Variants in ADCY1 observed in about 807,000 individuals in gnomAD.
ADCY1 encodes adenylate cyclase type 1.
Under a neutral mutation model 105.4 loss-of-function variants are expected in ADCY1, and 28 were observed. The ratio of observed to expected loss-of-function variants is 0.27; its 90% CI spans 0.20 to 0.36. ADCY1 has a LOEUF of 0.36. Among genes scored for constraint, ADCY1 ranks in the 10% least tolerant of loss-of-function variants. ADCY1 has a pLI of 1.00. For missense variants in ADCY1, 977 were observed against 1,434.2 expected (o/e 0.68, Z 5.15); for synonymous variants, 655 against 623.8 (o/e 1.05, Z -0.75).
chr7:45,603,979 C>T (rs1042431404), intron 2 of ADCY1, among the ~76,000 whole-genome samples: 5 of 152,086 alleles, frequency 3.3e-5, no homozygotes, highest in Admixed American at 3.3e-4. Context: ...TGGTAGTTTC[C>T]AGTTTTGGCC....
rs773809359 is a variant in ADCY1 at position 45,704,607 on chromosome 7, G to A, written c.2808G>A (p.Ser936=). 64 of 1,613,842 alleles carry A rather than the reference G, an allele frequency of 4.0e-5. No homozygotes were observed. Among genetic ancestry groups the A allele is most frequent in the Middle Eastern group, 1.7e-4 (1 of 5,982 alleles). ...CCGCTGTGGGGCTAGCGCCCACCTCGGGGACCAAGGTGAGTGCAGCCTGGC... is the reference window on the plus strand; with the variant it reads ...CCGCTGTGGGGCTAGCGCCCACCTCAGGGACCAAGGTGAGTGCAGCCTGGC... ...YMAAVGLAPT[S]GTKAKKSISS... Residue 936 remains serine, a synonymous_variant, in exon 17 of 20, where the codon TCG becomes TCA. Transcript: ENST00000297323.
At chr7:45,599,524 C>T (rs1344780223) in intron 2 of ADCY1, among the ~76,000 whole-genome samples, 6 of 151,500 alleles carry the variant, frequency 4.0e-5, no homozygotes, top group African/African-American at 1.2e-4. Flanking sequence ...TGCAATATTG[C>T]TGAGGAAGAT....
At chr7:45,643,531 C>G (rs917255729) in intron 4 of ADCY1, among the ~76,000 whole-genome samples, 8 of 152,080 alleles carry the variant, frequency 5.3e-5, no homozygotes, top group Admixed American at 2.6e-4. Context: ...ACCAGACATA[C>G]AGTCAAATAT....
chr7:45,664,619 C>T (rs895710507), intron 8 of ADCY1: 52 of 860,426 alleles, frequency 6.0e-5, no homozygotes, highest in Non-Finnish European at 8.3e-5. Flanking sequence ...TTGTTCCTTC[C>T]AGTTTCTTAA....
intron 8 of ADCY1, among the ~76,000 whole-genome samples, chr7:45,672,207 C>T (rs1248883934): frequency 6.6e-6 from 1 of 152,134 alleles, no homozygotes. Flanking sequence ...TATCCTTCCT[C>T]CATTGAATTG....
rs185816720 is a variant in ADCY1, at chr7:45,637,794, C to T, written c.1021-10876C>T. On this transcript the variant is annotated intron_variant, in intron 4 of 19. Coordinates refer to ENST00000297323, the MANE Select transcript of ADCY1 (RefSeq NM_021116.4). The stretch of plus-strand genomic sequence containing the variant: ...CTGGTATGCTGGTGATGAACTCTTT[C>T]AGTTTTCGTACTTCAGAAAGACTCT... Among the ~76,000 whole-genome samples, 330 of 152,308 alleles carry T rather than the reference C, an allele frequency of 2.2e-3. 3 individuals are homozygous for T. The highest frequency in any genetic ancestry group is 4.3e-4 in the Non-Finnish European group (29 of 68,020).
At chr7:45,595,465 G>A (rs971748121) in intron 2 of ADCY1, among the ~76,000 whole-genome samples, 1 of 151,976 alleles carries the variant, frequency 6.6e-6, no homozygotes. Context: ...TGTTTCCCCT[G>A]CCCCTTTCCG....
At chr7:45,644,636 A>G (rs188542611) in intron 4 of ADCY1, among the ~76,000 whole-genome samples, 14 of 152,254 alleles carry the variant, frequency 9.2e-5, no homozygotes, top group African/African-American at 2.6e-4. Flanking sequence ...AGGGCTGAAC[A>G]TGCCTCTGAG....
intron 3 of ADCY1, among the ~76,000 whole-genome samples, chr7:45,616,548 G>C (rs990649128): frequency 1.3e-5 from 2 of 152,134 alleles, no homozygotes; most frequent in African/African-American, 4.8e-5. Context: ...AACATGTTAA[G>C]AGAATACGGA....
At position 45,575,325 on chromosome 7, in the gene ADCY1, C is replaced by T. The variant is rs1792302467; in HGVS notation, c.639+143C>T. On this transcript the variant is annotated intron_variant, in intron 1 of 19. Coordinates refer to ENST00000297323, the MANE Select transcript of ADCY1 (RefSeq NM_021116.4). The surrounding 1 kb of genome is among the most constrained non-coding windows in gnomAD (Gnocchi z 4.7). ...GAGTGGGGGTGTGTTCAAGGTCACT[C>T]CTACGAGTTGGGGACGCAGTCGGGG... The T allele has an allele frequency of 1.8e-6, 2 of 1,106,630 alleles. No homozygotes were observed. The highest frequency in any genetic ancestry group is 2.9e-5 in the Admixed American group (1 of 34,126). 68.6% of individuals were successfully genotyped at this position (1,106,630 alleles called of 1,614,324 possible).
chr7:45,710,684 G>T lies in ADCY1; in HGVS notation c.3057+32G>T. 1 of 1,592,860 alleles carries T rather than the reference G, an allele frequency of 6.3e-7. No individual in the cohort carries two copies. Among genetic ancestry groups the T allele is most frequent in the Non-Finnish European group, 8.6e-7 (1 of 1,169,578 alleles). ...TCACCAAGAAACCCCTAAGGCATGGGTGCCCATTCTTCAGGTGAGGAAACT... is the reference window on the plus strand; with the variant it reads ...TCACCAAGAAACCCCTAAGGCATGGTTGCCCATTCTTCAGGTGAGGAAACT... On this transcript the variant is annotated intron_variant, in intron 19 of 19. Coordinates refer to ENST00000297323, the MANE Select transcript of ADCY1 (RefSeq NM_021116.4). The surrounding 1 kb of genome is among the most constrained non-coding windows in gnomAD (Gnocchi z 4.7).
In ADCY1 at chr7:45,714,638, T is replaced by C. The variant is rs1392001762; in HGVS notation, c.*643T>C. The stretch of plus-strand genomic sequence containing the variant: ...AAGCTGCCTCTCACTGCATGGATAG[T>C]GGTGGCTGCTGGCTTTCAAGCGTGG... On this transcript the variant is annotated 3_prime_UTR_variant, in exon 20 of 20. Transcript: ENST00000297323. The C allele has an allele frequency of 6.5e-6, 1 of 152,742 alleles. No homozygotes were observed. Among genetic ancestry groups the C allele is most frequent in the Non-Finnish European group, 1.5e-5 (1 of 68,122 alleles). The allele number at this position is 152,742 out of a possible 1,614,324, so 9.5% of individuals were successfully genotyped here.
rs912724833 is a variant in ADCY1, at chr7:45,658,839, C to T, written c.1307+954C>T. Among the ~76,000 whole-genome samples the T allele has an allele frequency of 5.9e-5, 9 of 152,264 alleles. No individual in the cohort carries two copies. In the East Asian group the frequency reaches 7.7e-4, roughly 13 times the overall value. On this transcript the variant is annotated intron_variant, in intron 6 of 19. Transcript: ENST00000297323. ...TCCCCAGGTGCTTCCAGGGCCCCTC[C>T]GGGGGGGCAGGAAGCAGCAAGGGTT...
rs1264397740 is a variant in ADCY1 at position 45,720,967 on chromosome 7, G to A, written c.*6972G>A. The A allele has an allele frequency of 2.6e-5, 4 of 152,366 alleles. No homozygotes were observed. The highest frequency in any genetic ancestry group is 2.0e-4 in the Admixed American group (3 of 15,306). The allele number at this position is 152,366 out of a possible 1,614,324, so 9.4% of individuals were successfully genotyped here. ...TGAGTAAAGTCACACAGCCCTGAGA[G>A]GCAGGACCAGGGTTCCATTCCTGCT... On this transcript the variant is annotated 3_prime_UTR_variant, in exon 20 of 20. Transcript: ENST00000297323.
intron 1 of ADCY1, among the ~76,000 whole-genome samples, chr7:45,589,426 T>G (rs1273407447): frequency 6.6e-6 from 1 of 152,144 alleles, no homozygotes; most frequent in Non-Finnish European, 1.5e-5. Flanking sequence ...CATCTCTGAG[T>G]AGCTCGTGGT....
At position 45,686,200 on chromosome 7, in the gene ADCY1, G is replaced by A; in HGVS notation, c.2312G>A (p.Gly771Glu). 6.2e-7 allele frequency: 1 copy of A among 1,613,854 alleles called. No homozygotes were observed. Among genetic ancestry groups the A allele is most frequent in the South Asian group, 1.1e-5 (1 of 91,034 alleles). ...TACATCCTCGTTCTGGAGCTCAGCG[G>A]ATACACCAGGACTGGGTAAGTGTGT... The part of the protein sequence containing the change: ...TSYILVLELS[G>E]YTRTGGGAVS... Residue 771 changes from glycine to glutamate, a missense_variant, in exon 13 of 20, where the codon GGA (glycine) becomes GAA (glutamate). By Grantham distance (98) the Gly-to-Glu change is moderately conservative. Around this residue, in one of 7 missense-constraint regions of ADCY1, gnomAD observed 275 missense variants for 362.1 expected, o/e 0.76. Transcript: ENST00000297323. This position sits in a 1 kb window ranked among gnomAD's most constrained non-coding sequence, Gnocchi z 4.3.
intron 8 of ADCY1, among the ~76,000 whole-genome samples, chr7:45,669,211 A>T (rs992874102): frequency 1.3e-5 from 2 of 152,004 alleles, no homozygotes; most frequent in Non-Finnish European, 2.9e-5. Flanking sequence ...AGTTCTTTTA[A>T]TTGTGATGTT....
At chr7:45,707,474 G>A (rs1785142621) in intron 17 of ADCY1, among the ~76,000 whole-genome samples, 1 of 152,200 alleles carries the variant, frequency 6.6e-6, no homozygotes, top group African/African-American at 2.4e-5. Context: ...TCTGGAAAAG[G>A]CAAAACGGTA....
intron 8 of ADCY1, chr7:45,664,281 T>C: frequency 6.5e-7 from 1 of 1,536,062 alleles, no homozygotes; most frequent in Non-Finnish European, 8.7e-7. Context: ...CTGATGCCTC[T>C]CCTGTAGGTT....
Sources: gnomAD v4.1 joint callset for allele counts (sites outside exome capture counted in the v4.1 genomes callset) on GRCh38, gnomAD v4.1.1 for gene constraint, gnomAD v4.1.1 regional missense constraint, Gnocchi (gnomAD v3.1) non-coding constraint, MANE v1.5 for transcripts, NCBI Gene and HGNC (gene_info 2026-07-23, HGNC 2026-07-21) for gene names.